Variants in BTF3L4 observed in about 807,000 individuals in gnomAD.
BTF3L4 encodes the protein transcription factor BTF3 homolog 4.
A neutral mutation model predicts 16.8 loss-of-function variants in BTF3L4; 6 were observed. The ratio of observed to expected loss-of-function variants is 0.36; its 90% CI spans 0.20 to 0.71. The LOEUF is 0.71. Among genes scored for constraint, BTF3L4 ranks in the 30% least tolerant of loss-of-function variants. The probability of loss-of-function intolerance (pLI) is 0.58; values close to 1 mark genes in which losing one functional copy is unlikely to be tolerated. For missense variants in BTF3L4, 92 were observed against 186.9 expected (o/e 0.49, Z 2.96); for synonymous variants, 39 against 59.8 (o/e 0.65, Z 1.60).
chr1:52,078,033 T>C (rs1387679379), intron 3 of BTF3L4, among the ~76,000 whole-genome samples: 5 of 152,130 alleles, frequency 3.3e-5, no homozygotes, highest in African/African-American at 1.2e-4. Flanking sequence ...TGACCCATCA[T>C]CTAGCATTTG....
At chr1:52,078,428 A>T (rs900864446) in intron 3 of BTF3L4, among the ~76,000 whole-genome samples, 1 of 152,026 alleles carries the variant, frequency 6.6e-6, no homozygotes, top group African/African-American at 2.4e-5. Context: ...AGTGATTATT[A>T]TGTACTAGAT....
At chr1:52,082,939 G>A (rs1303288651) in intron 3 of BTF3L4, among the ~76,000 whole-genome samples, 1 of 152,026 alleles carries the variant, frequency 6.6e-6, no homozygotes, top group African/African-American at 2.4e-5. Context: ...CCCTAAGTAA[G>A]ATGCTACCCT....
At chr1:52,065,098 A>T in intron 3 of BTF3L4, 160 bp downstream of exon 3, 1 of 414,232 alleles carries the variant, frequency 2.4e-6, no homozygotes, top group Non-Finnish European at 4.3e-6. Flanking sequence ...AAATTAAATG[A>T]TGGTCAAAAA....
chr1:52,081,189 G>A (rs1643917140), intron 3 of BTF3L4, among the ~76,000 whole-genome samples: 1 of 115,956 alleles, frequency 8.6e-6, no homozygotes. Flanking sequence ...CCAGGCTGGA[G>A]TGAAGTGGTG....
At chr1:52,085,320 TG>T (rs1553241021) in intron 4 of BTF3L4, among the ~76,000 whole-genome samples, 2 of 230 alleles carry the variant, frequency 8.7e-3, no homozygotes, top group African/African-American at 0.015. Flanking sequence ...TGCCCAGCTT[TG>T]TTGTTGTTGT....
intron 2 of BTF3L4, 64 bp downstream of exon 2, chr1:52,059,965 G>T: frequency 1.4e-6 from 2 of 1,439,676 alleles, no homozygotes; most frequent in Admixed American, 2.1e-5. Context: ...TTATTATTTC[G>T]GATTTGTGGT....
intron 3 of BTF3L4, among the ~76,000 whole-genome samples, chr1:52,068,511 A>G (rs893645099): frequency 1.3e-5 from 2 of 152,186 alleles, no homozygotes; most frequent in African/African-American, 4.8e-5. Context: ...AGGCTTAGAG[A>G]GTTAGGTGCC....
At chr1:52,080,535 T>G (rs1251349951) in intron 3 of BTF3L4, among the ~76,000 whole-genome samples, 140 of 127,974 alleles carry the variant, frequency 1.1e-3, no homozygotes, top group East Asian at 8.4e-3. Flanking sequence ...TTTTTTTTTT[T>G]TTTTTTTTTT....
At chr1:52,068,278 A>G (rs895635599) in intron 3 of BTF3L4, among the ~76,000 whole-genome samples, 1 of 152,230 alleles carries the variant, frequency 6.6e-6, no homozygotes, top group Admixed American at 6.5e-5. Flanking sequence ...AAAGTACTTA[A>G]TGATAGTCAA....
At chr1:52,066,006 C>T (rs188234964) in intron 3 of BTF3L4, among the ~76,000 whole-genome samples, 5 of 152,108 alleles carry the variant, frequency 3.3e-5, no homozygotes, top group African/African-American at 1.2e-4. Flanking sequence ...CCATTGCACT[C>T]CAGCCTGGGT....
intron 3 of BTF3L4, among the ~76,000 whole-genome samples, chr1:52,067,293 A>G (rs1686678265): frequency 6.6e-6 from 1 of 152,260 alleles, no homozygotes. Context: ...TGGAATGGCA[A>G]AGTGCCACAT....
In BTF3L4 at chr1:52,086,984, G is replaced by C. The variant is rs534849318; in HGVS notation, c.*226G>C. On this transcript the variant is annotated 3_prime_UTR_variant, in exon 6 of 6. Coordinates refer to ENST00000313334, the MANE Select transcript of BTF3L4 (RefSeq NM_152265.5). Reference sequence around the variant, plus strand: ...AAAATATGAAGTATTGGTGCAGTTTGAGGGTGTTTTGGTTTTTGATTCCTG... The same window carrying C: ...AAAATATGAAGTATTGGTGCAGTTTCAGGGTGTTTTGGTTTTTGATTCCTG... The C allele has an allele frequency of 3.4e-5, 14 of 415,420 alleles. No homozygotes were observed. Among genetic ancestry groups the C allele is most frequent in the Non-Finnish European group, 5.6e-5 (13 of 232,404 alleles). The allele number at this position is 415,420 out of a possible 1,614,324, so 25.7% of individuals were successfully genotyped here. A position where few individuals can be genotyped will look rare whatever the true frequency, so the allele number is the denominator to read the frequency against.
intron 3 of BTF3L4, 100 bp downstream of exon 3, chr1:52,065,038 A>G (rs1040748054): frequency 8.7e-6 from 5 of 572,134 alleles, no homozygotes; most frequent in East Asian, 3.2e-5. Flanking sequence ...AATCTTTGAT[A>G]TTGTCACTCT....
chr1:52,056,553 G>T (rs985876585), intron 1 of BTF3L4, among the ~76,000 whole-genome samples, 174 bp downstream of exon 1: 3 of 152,248 alleles, frequency 2.0e-5, no homozygotes, highest in Non-Finnish European at 4.4e-5. Context: ...GCGCAGCTGG[G>T]GGTCGGCACC....
chr1:52,064,343 T>G (rs1183820112), intron 2 of BTF3L4, among the ~76,000 whole-genome samples: 1 of 152,206 alleles, frequency 6.6e-6, no homozygotes, highest in Non-Finnish European at 1.5e-5. Flanking sequence ...TGAAATTATC[T>G]GATTTGTTTA....
Position 52,086,855 on chromosome 1 carries a change from T to C in BTF3L4, c.*97T>C, listed in dbSNP as rs1356154854. On this transcript the variant is annotated 3_prime_UTR_variant, in exon 6 of 6. Coordinates refer to ENST00000313334, the MANE Select transcript of BTF3L4 (RefSeq NM_152265.5). Reference sequence around the variant, plus strand: ...CATGGAGAACATCACCTGTTACTAGTTCAGTAATATAAATATTTTGTATAT... The same window carrying C: ...CATGGAGAACATCACCTGTTACTAGCTCAGTAATATAAATATTTTGTATAT... 1 of 628,408 alleles carries C rather than the reference T, an allele frequency of 1.6e-6. No individual in the cohort carries two copies. The highest frequency in any genetic ancestry group is 1.9e-5 in the African/African-American group (1 of 52,682). 38.9% of individuals were successfully genotyped at this position (628,408 alleles called of 1,614,324 possible).
intron 1 of BTF3L4, among the ~76,000 whole-genome samples, chr1:52,057,509 C>T (rs953660509): frequency 6.6e-6 from 1 of 152,100 alleles, no homozygotes; most frequent in African/African-American, 2.4e-5. Flanking sequence ...GGAACTGTTT[C>T]GTTTGTAATT....
At chr1:52,075,189 TTAA>T (rs1305585787) in intron 3 of BTF3L4, among the ~76,000 whole-genome samples, 2 of 152,188 alleles carry the variant, frequency 1.3e-5, no homozygotes, top group Non-Finnish European at 2.9e-5. Flanking sequence ...TTAACACTTT[TTAA>T]TTATTTATTA....
intron 3 of BTF3L4, among the ~76,000 whole-genome samples, chr1:52,066,112 T>C (rs888411526): frequency 1.3e-5 from 2 of 152,164 alleles, no homozygotes; most frequent in African/African-American, 4.8e-5. Flanking sequence ...CAAAGATTAA[T>C]GTTATTCCAG....
Sources: allele counts gnomAD v4.1 joint callset (sites outside exome capture counted in the v4.1 genomes callset), GRCh38; gene constraint gnomAD v4.1.1; transcripts MANE v1.5; gene names NCBI Gene and HGNC (gene_info 2026-07-23, HGNC 2026-07-21).